The following SLIT2 variants were observed in gnomAD, a reference collection of about 807,000 sequenced individuals.
SLIT2 encodes slit guidance ligand 2, also known as slit homolog 2 protein.
A neutral mutation model predicts 185.7 loss-of-function variants in SLIT2; 41 were observed. The ratio of observed to expected loss-of-function variants is 0.22; its 90% CI spans 0.17 to 0.29. SLIT2 has a LOEUF of 0.29. SLIT2 is among the 10% of genes least tolerant of loss of function. The probability of loss-of-function intolerance (pLI) is 1.00; values close to 1 mark genes in which losing one functional copy is unlikely to be tolerated. For missense variants in SLIT2, 1,571 were observed against 1,909.0 expected, an observed-to-expected ratio of 0.82 and a Z score of 3.30; for synonymous variants, 693 against 680.2, an observed-to-expected ratio of 1.02 and a Z score of -0.29.
In SLIT2 at chr4:20,252,815, C is replaced by G. The variant is rs150334709; in HGVS notation, c.-1001C>G. Among the ~76,000 whole-genome samples the G allele has an allele frequency of 4.0e-3, 615 of 152,292 alleles. No homozygotes were observed. Among genetic ancestry groups the G allele is most frequent in the Non-Finnish European group, 7.0e-3 (475 of 68,026 alleles). ...ACGCCCCAGCAGGACGCTGACACCT[C>G]CAACCTTGGCCTTTGCCTTTCCACT... is the stretch of plus-strand genomic sequence containing the variant. On this transcript the variant is annotated 5_prime_UTR_variant, in exon 1 of 37. Transcript: ENST00000504154.
intron 4 of SLIT2, among the ~76,000 whole-genome samples, chr4:20,313,737 G>A: frequency 6.6e-6 from 1 of 152,212 alleles, no homozygotes; most frequent in East Asian, 1.9e-4. Flanking sequence ...TAAGGAGTGT[G>A]CAACCTAGAT....
chr4:20,282,172 C>A (rs1025951510), intron 4 of SLIT2, among the ~76,000 whole-genome samples: 1 of 152,012 alleles, frequency 6.6e-6, no homozygotes, highest in Admixed American at 6.5e-5. Flanking sequence ...TTCTTTAATC[C>A]TTTCCCATTT....
At position 20,254,952 on chromosome 4, in the gene SLIT2, A is replaced by C; in HGVS notation, c.179+958A>C. On this transcript the variant is annotated intron_variant, in intron 1 of 36. Coordinates refer to ENST00000504154, the MANE Select transcript of SLIT2 (RefSeq NM_004787.4). The surrounding 1 kb of genome is among the most constrained non-coding windows in gnomAD (Gnocchi z 5.1). ...GTCTCTAATGAAGAAGTAAATGCAG[A>C]CCCGGTGTTGACGGCCCACGCGCTC... The C allele has an allele frequency of 2.2e-6, 1 of 456,258 alleles. No individual in the cohort carries two copies. The highest frequency in any genetic ancestry group is 4.4e-6 in the Non-Finnish European group (1 of 226,968). 28.3% of individuals were successfully genotyped at this position (456,258 alleles called of 1,614,324 possible).
chr4:20,481,366 C>A (rs1357542132), intron 6 of SLIT2, among the ~76,000 whole-genome samples: 1 of 152,008 alleles, frequency 6.6e-6, no homozygotes, highest in Non-Finnish European at 1.5e-5. Flanking sequence ...GCATGACTGA[C>A]AAAATTGGTT....
intron 4 of SLIT2, among the ~76,000 whole-genome samples, chr4:20,421,091 TAAAAG>T (rs1728140316): frequency 6.6e-6 from 1 of 152,186 alleles, no homozygotes. Context: ...TGGAGGGAAT[TAAAAG>T]AAAAGGTAAT....
rs575879451 is a variant in SLIT2 at position 20,493,822 on chromosome 4, A to G, written c.914+1923A>G. Reference sequence around the variant, plus strand: ...CAAGCATAGAAGTCTTTGTGTAGAAATAACACTGAGCTAGAGCTTGAAAGA... The same window carrying G: ...CAAGCATAGAAGTCTTTGTGTAGAAGTAACACTGAGCTAGAGCTTGAAAGA... On this transcript the variant is annotated intron_variant, in intron 9 of 36. Transcript: ENST00000504154. 4.6e-5 allele frequency among the ~76,000 whole-genome samples: 7 copies of G among 152,350 alleles called. No homozygotes were observed. In the South Asian group the frequency reaches 1.5e-3, roughly 32 times the overall value.
At chr4:20,320,836 T>C (rs984546449) in intron 4 of SLIT2, among the ~76,000 whole-genome samples, 2 of 152,180 alleles carry the variant, frequency 1.3e-5, no homozygotes, top group African/African-American at 4.8e-5. Flanking sequence ...AGGTTCATCC[T>C]TCTGTTTTTG....
intron 4 of SLIT2, among the ~76,000 whole-genome samples, chr4:20,431,098 T>C (rs887829829): frequency 2.0e-5 from 3 of 152,238 alleles, no homozygotes; most frequent in Admixed American, 6.5e-5. Context: ...TCCTCATGTT[T>C]GTAATATTTT....
intron 4 of SLIT2, among the ~76,000 whole-genome samples, chr4:20,366,018 C>T (rs1324052179): frequency 6.6e-6 from 1 of 152,056 alleles, no homozygotes; most frequent in Non-Finnish European, 1.5e-5. Context: ...TAGTTTATCC[C>T]ATAATTTGTT....
chr4:20,511,177 CAACA>C (rs765282390), intron 11 of SLIT2, 40 bp downstream of exon 11: 1 of 1,259,866 alleles, frequency 7.9e-7, no homozygotes, highest in East Asian at 2.3e-5. Flanking sequence ...AGAGAAGCCA[CAACA>C]AAGAGTGGCT....
chr4:20,611,548 A>G (rs1222928673), intron 34 of SLIT2, among the ~76,000 whole-genome samples: 1 of 152,244 alleles, frequency 6.6e-6, no homozygotes, highest in Non-Finnish European at 1.5e-5. Flanking sequence ...CTACTCAGCA[A>G]GTTGACTTAT....
At chr4:20,605,669 A>G (rs747256215) in intron 33 of SLIT2, among the ~76,000 whole-genome samples, 1 of 151,910 alleles carries the variant, frequency 6.6e-6, no homozygotes, top group Non-Finnish European at 1.5e-5. Context: ...CAGTCTTACT[A>G]TGTAGCAACT....
At chr4:20,542,452 G>C in intron 20 of SLIT2, 42 bp from the exon 21 acceptor site, 2 of 1,607,784 alleles carry the variant, frequency 1.2e-6, no homozygotes, top group Middle Eastern at 1.7e-4. Context: ...GCACCTTCAA[G>C]ACCACAAATC....
chr4:20,252,659 G>T lies in SLIT2; in HGVS notation c.-1157G>T, dbSNP rs1157606542. Among the ~76,000 whole-genome samples the T allele has an allele frequency of 1.3e-5, 2 of 152,206 alleles. No individual in the cohort carries two copies. Among genetic ancestry groups the T allele is most frequent in the African/African-American group, 4.8e-5 (2 of 41,462 alleles). ...ACCTTTGCCATCAGGTGTCTGCCGC[G>T]GAGCTGCGGCTTATCTGGGAGACGA... On this transcript the variant is annotated 5_prime_UTR_variant, in exon 1 of 37. Transcript: ENST00000504154.
intron 4 of SLIT2, chr4:20,364,177 A>C: frequency 2.0e-5 from 13 of 645,132 alleles, no homozygotes; most frequent in South Asian, 6.9e-5. Context: ...CTTTACACTT[A>C]GAGAAATACT....
rs184037105 is a variant in SLIT2, at chr4:20,596,925, A to C, written c.3561+270A>C. On this transcript the variant is annotated intron_variant, in intron 32 of 36. Transcript: ENST00000504154. ...CTCTTTGTTTTGTGCTCAGACAAAA[A>C]CATTTGATTCATTTGCTTTTATGGC... 7.2e-5 allele frequency among the ~76,000 whole-genome samples: 11 copies of C among 152,196 alleles called. No homozygotes were observed. The East Asian group carries it at 1.7e-3, about 24-fold the overall frequency.
chr4:20,323,868 A>G (rs1254312876), intron 4 of SLIT2, among the ~76,000 whole-genome samples: 2 of 152,204 alleles, frequency 1.3e-5, no homozygotes, highest in Non-Finnish European at 2.9e-5. Flanking sequence ...TATTGCATAT[A>G]GAATGTGTTC....
chr4:20,360,518 C>T (rs1332375647), intron 4 of SLIT2, among the ~76,000 whole-genome samples: 1 of 152,042 alleles, frequency 6.6e-6, no homozygotes, highest in Admixed American at 6.6e-5. Context: ...TCATTAAGAA[C>T]AATAACTTTG....
chr4:20,553,698 A>G, intron 25 of SLIT2, 107 bp from the exon 26 acceptor site: 1 of 1,073,642 alleles, frequency 9.3e-7, no homozygotes, highest in Non-Finnish European at 1.2e-6. Context: ...ATCACTTTGA[A>G]TTCTTTTGCC....
Sources: gnomAD v4.1 joint callset for allele counts (sites outside exome capture counted in the v4.1 genomes callset) on GRCh38, gnomAD v4.1.1 for gene constraint, Gnocchi (gnomAD v3.1) non-coding constraint, MANE v1.5 for transcripts, NCBI Gene and HGNC (gene_info 2026-07-23, HGNC 2026-07-21) for gene names.